The following SYT1 variants were observed in gnomAD, a reference collection of about 807,000 sequenced individuals.
SYT1 encodes synaptotagmin 1.
Under a neutral mutation model 44.8 loss-of-function variants are expected in SYT1, and 8 were observed. The observed-to-expected ratio is 0.18, with a 90% CI of 0.10 to 0.32. The LOEUF (loss-of-function observed/expected upper bound fraction) is 0.32, where lower values mean the gene tolerates loss of function less well. Ranked by LOEUF, SYT1 falls within the 10% of genes least tolerant of loss-of-function variation. The probability of loss-of-function intolerance (pLI) is 1.00; values close to 1 mark genes in which losing one functional copy is unlikely to be tolerated. For missense variants in SYT1, 286 were observed against 509.3 expected (o/e 0.56, Z 4.22); for synonymous variants, 154 against 188.8 (o/e 0.82, Z 1.51).
chr12:79,266,688 C>T (rs1024174077), intron 4 of SYT1, among the ~76,000 whole-genome samples: 2 of 152,050 alleles, frequency 1.3e-5, no homozygotes, highest in Non-Finnish European at 1.5e-5. Context: ...GTTTAAAAGC[C>T]AGGAAACAAA....
intron 2 of SYT1, among the ~76,000 whole-genome samples, chr12:78,997,578 T>C (rs1870461591): frequency 6.6e-6 from 1 of 152,178 alleles, no homozygotes; most frequent in Non-Finnish European, 1.5e-5. Flanking sequence ...AGGAGGAGCA[T>C]GCACTGAGGG....
At chr12:79,311,125 C>G (rs1019026632) in intron 8 of SYT1, among the ~76,000 whole-genome samples, 1 of 152,170 alleles carries the variant, frequency 6.6e-6, no homozygotes, top group African/African-American at 2.4e-5. Context: ...AGTTTTTGCC[C>G]ATTCAGTATG....
At chr12:79,427,578 T>A (rs1869524482) in intron 9 of SYT1, among the ~76,000 whole-genome samples, 1 of 152,150 alleles carries the variant, frequency 6.6e-6, no homozygotes, top group East Asian at 1.9e-4. Context: ...GTCACACAAA[T>A]AGAAAGAATG....
At chr12:79,353,010 A>C (rs779566262) in intron 8 of SYT1, among the ~76,000 whole-genome samples, 11 of 152,186 alleles carry the variant, frequency 7.2e-5, no homozygotes, top group African/African-American at 2.7e-4. Context: ...AATAAATAGA[A>C]TTTAATGACA....
chr12:78,937,356 A>C (rs17041511), intron 1 of SYT1, among the ~76,000 whole-genome samples: 13,189 of 152,116 alleles, frequency 0.087, 661 homozygotes, highest in East Asian at 0.18. Flanking sequence ...TCTTGAGAAG[A>C]CTTTGTGGCC....
chr12:79,180,226 T>C (rs977263048), intron 3 of SYT1, among the ~76,000 whole-genome samples: 1 of 151,978 alleles, frequency 6.6e-6, no homozygotes, highest in Non-Finnish European at 1.5e-5. Context: ...ATATGAACAA[T>C]ATTAATTAAC....
At chr12:79,067,116 T>C (rs1325126627) in intron 3 of SYT1, among the ~76,000 whole-genome samples, 1 of 152,174 alleles carries the variant, frequency 6.6e-6, no homozygotes, top group African/African-American at 2.4e-5. Context: ...CACTGTGAGA[T>C]TCTCCCCCAG....
intron 3 of SYT1, among the ~76,000 whole-genome samples, chr12:79,151,513 C>T (rs923687991): frequency 9.9e-5 from 15 of 152,076 alleles, no homozygotes; most frequent in African/African-American, 3.1e-4. Context: ...TGAAGAGAGT[C>T]GGCCATTAAT....
intron 5 of SYT1, 134 bp from the exon 6 acceptor site, chr12:79,291,872 ATG>A: frequency 9.4e-7 from 1 of 1,064,342 alleles, no homozygotes; most frequent in East Asian, 2.4e-5. Context: ...GCAAATGTGA[ATG>A]TGTGTCAGAC....
intron 3 of SYT1, among the ~76,000 whole-genome samples, chr12:79,067,588 T>C (rs1875961412): frequency 6.6e-6 from 1 of 152,188 alleles, no homozygotes. Context: ...AACTTTTACA[T>C]TAACTTTGAA....
At chr12:79,082,784 G>A (rs1021304114) in intron 3 of SYT1, among the ~76,000 whole-genome samples, 12 of 152,070 alleles carry the variant, frequency 7.9e-5, no homozygotes, top group Admixed American at 1.3e-4. Context: ...AGTTAGGGGA[G>A]GTCCAAGGTG....
chr12:79,441,839 A>G (rs903635730), intron 9 of SYT1, among the ~76,000 whole-genome samples: 1 of 152,214 alleles, frequency 6.6e-6, no homozygotes, highest in Admixed American at 6.5e-5. Context: ...GGCTGGTACA[A>G]GCATCACCAT....
At chr12:79,258,074 A>T (rs1383471909) in intron 4 of SYT1, among the ~76,000 whole-genome samples, 2 of 148,622 alleles carry the variant, frequency 1.3e-5, no homozygotes, top group Admixed American at 6.8e-5. Context: ...ATTAGTAAAT[A>T]TAAAAAGTGA....
chr12:79,364,534 G>A lies in SYT1; in HGVS notation c.928+10915G>A, dbSNP rs568149408. Among the ~76,000 whole-genome samples, 27 of 151,922 alleles carry A rather than the reference G, an allele frequency of 1.8e-4. No individual in the cohort carries two copies. The East Asian group carries it at 1.9e-3, about 11-fold the overall frequency. On this transcript the variant is annotated intron_variant, in intron 9 of 10. Transcript: ENST00000261205. ...AAATTACTAATGGCCTAAATTTTGC[G>A]GTACATCATTTTCAATGATGACTGG...
At chr12:79,018,157 T>C (rs1327610477) in intron 2 of SYT1, among the ~76,000 whole-genome samples, 1 of 151,768 alleles carries the variant, frequency 6.6e-6, no homozygotes, top group Non-Finnish European at 1.5e-5. Flanking sequence ...TGGAATACTA[T>C]GCAGCCATAA....
intron 3 of SYT1, among the ~76,000 whole-genome samples, chr12:79,190,508 G>A (rs1245131964): frequency 2.6e-5 from 4 of 152,104 alleles, no homozygotes; most frequent in African/African-American, 7.2e-5. Flanking sequence ...CATAGCTGGC[G>A]AAAAGTATGA....
At chr12:79,181,623 C>A (rs1438212366) in intron 3 of SYT1, among the ~76,000 whole-genome samples, 2 of 151,932 alleles carry the variant, frequency 1.3e-5, no homozygotes, top group Admixed American at 6.6e-5. Context: ...AGTTTCCATT[C>A]CCAAGTAGCT....
At chr12:79,058,639 CT>C (rs1429546252) in intron 3 of SYT1, among the ~76,000 whole-genome samples, 1 of 152,050 alleles carries the variant, frequency 6.6e-6, no homozygotes. Context: ...CTTGCATCCC[CT>C]CTGCTTCTCA....
chr12:78,887,302 G>A (rs764446677), intron 1 of SYT1, among the ~76,000 whole-genome samples: 2 of 151,778 alleles, frequency 1.3e-5, no homozygotes, highest in Non-Finnish European at 2.9e-5. Flanking sequence ...ACTGACTATC[G>A]GTATTACAGT....
Sources: gnomAD v4.1 joint callset for allele counts (sites outside exome capture counted in the v4.1 genomes callset) on GRCh38, gnomAD v4.1.1 for gene constraint, MANE v1.5 for transcripts, NCBI Gene and HGNC (gene_info 2026-07-23, HGNC 2026-07-21) for gene names.